TMTC2: variants seen among roughly 807,000 people sequenced by gnomAD.
The protein encoded by TMTC2 is transmembrane O-mannosyltransferase targeting cadherins 2.
In TMTC2, 43 loss-of-function variants were observed where a neutral mutation model predicts 82.4. That is an observed-to-expected ratio of 0.52 (90% CI 0.41 to 0.67). The LOEUF is 0.67. TMTC2 is among the 30% of genes least tolerant of loss of function. The pLI, the probability that TMTC2 is intolerant of heterozygous loss-of-function variation, is 0.00. For missense variants in TMTC2, 919 were observed against 1,012.4 expected (o/e 0.91, Z 1.25); for synonymous variants, 408 against 381.9 (o/e 1.07, Z -0.80).
intron 3 of TMTC2, among the ~76,000 whole-genome samples, chr12:82,917,892 C>A (rs186664067): frequency 6.7e-6 from 1 of 150,374 alleles, no homozygotes; most frequent in African/African-American, 2.5e-5. Context: ...TGAGCCACTG[C>A]TCCCGGCCAG....
At position 82,876,028 on chromosome 12, in the gene TMTC2, CGGTGGTGGTGGT is replaced by C. The variant is rs748180026; in HGVS notation, c.654+18477_654+18488del. On this transcript the variant is annotated intron_variant, in intron 2 of 11. Transcript: ENST00000321196. ...GTAATGGTAATGGTAGTAGTGGTGGCGGTGGTGGTGGTGGTGGTGGTGGTGGTGGTGGTGGTG... is the reference window on the plus strand; with the variant it reads ...GTAATGGTAATGGTAGTAGTGGTGGCGGTGGTGGTGGTGGTGGTGGTGGTG... Among the ~76,000 whole-genome samples the C allele has an allele frequency of 8.5e-3, 710 of 83,472 alleles. 11 individuals carry two copies. Among genetic ancestry groups the C allele is most frequent in the African/African-American group, 0.02 (376 of 19,266 alleles). The allele number at this position is 83,472 out of a possible 152,430, so 54.8% of individuals were successfully genotyped here.
intron 1 of TMTC2, among the ~76,000 whole-genome samples, chr12:82,736,037 C>T (rs1042086829): frequency 7.2e-5 from 11 of 151,744 alleles, no homozygotes; most frequent in African/African-American, 1.9e-4. Context: ...AATTTTGCTC[C>T]GGAGATGAAT....
intron 2 of TMTC2, among the ~76,000 whole-genome samples, chr12:82,860,406 G>A (rs1871483333): frequency 6.6e-6 from 1 of 152,200 alleles, no homozygotes; most frequent in Non-Finnish European, 1.5e-5. Flanking sequence ...ACACATCTCT[G>A]ACTATCTGGT....
In TMTC2 at chr12:82,708,756, A is replaced by C. The variant is rs948765009; in HGVS notation, c.83+21087A>C. The stretch of plus-strand genomic sequence containing the variant: ...TAGCTGCAAGCCTGTGTTTCCAAGC[A>C]GTTGTTTCCCAGCTGTCTGTTGCTT... On this transcript the variant is annotated intron_variant, in intron 1 of 11. Coordinates refer to ENST00000321196, the MANE Select transcript of TMTC2 (RefSeq NM_152588.3). 3.5e-4 allele frequency among the ~76,000 whole-genome samples: 53 copies of C among 152,146 alleles called. 1 individual carries two copies. The highest frequency in any genetic ancestry group is 2.4e-3 in the Admixed American group (37 of 15,286).
intron 4 of TMTC2, among the ~76,000 whole-genome samples, chr12:82,961,222 TTATTATTATTGTAAC>T (rs1877914036): frequency 7.0e-6 from 1 of 142,876 alleles, no homozygotes; most frequent in Non-Finnish European, 1.5e-5. Flanking sequence ...ATTATTATTA[TTATTATTATTGTAAC>T]TATTGTAACA....
In TMTC2 at chr12:82,757,640, T is replaced by G. The variant is rs554444664; in HGVS notation, c.83+69971T>G. ...TATTAATGAATTTTCAAATTGCTCC[T>G]TATTTGTATATTTCTCTCTGCTTAA... On this transcript the variant is annotated intron_variant, in intron 1 of 11. Coordinates refer to ENST00000321196, the MANE Select transcript of TMTC2 (RefSeq NM_152588.3). 4.6e-5 allele frequency among the ~76,000 whole-genome samples: 7 copies of G among 152,350 alleles called. No homozygotes were observed. The East Asian group carries it at 9.6e-4, about 21-fold the overall frequency.
At chr12:82,731,192 T>C (rs575936164) in intron 1 of TMTC2, among the ~76,000 whole-genome samples, 11 of 152,346 alleles carry the variant, frequency 7.2e-5, no homozygotes, top group Non-Finnish European at 1.3e-4. Context: ...AGCATACCAC[T>C]TGATAGTTGT....
chr12:82,732,768 CAATT>C (rs1166251590), intron 1 of TMTC2, among the ~76,000 whole-genome samples: 1 of 152,176 alleles, frequency 6.6e-6, no homozygotes, highest in East Asian at 1.9e-4. Flanking sequence ...GTAGGTCACA[CAATT>C]AAGTAATTTT....
At chr12:82,756,458 G>A (rs563395248) in intron 1 of TMTC2, among the ~76,000 whole-genome samples, 1 of 152,172 alleles carries the variant, frequency 6.6e-6, no homozygotes, top group Non-Finnish European at 1.5e-5. Context: ...CTGCGTGAGG[G>A]TTTTACCTTA....
chr12:83,122,615 C>T (rs1022104906), intron 11 of TMTC2, among the ~76,000 whole-genome samples: 80 of 152,246 alleles, frequency 5.3e-4, no homozygotes, highest in African/African-American at 1.8e-3. Context: ...GGTGTGTGTT[C>T]GGGGGCGGAT....
intron 1 of TMTC2, among the ~76,000 whole-genome samples, chr12:82,842,700 A>G (rs1870407148): frequency 6.6e-6 from 1 of 152,152 alleles, no homozygotes; most frequent in Non-Finnish European, 1.5e-5. Flanking sequence ...AATCAAGATC[A>G]TGGTGTCAGC....
chr12:82,691,897 A>G (rs1265448708), intron 1 of TMTC2, among the ~76,000 whole-genome samples: 1 of 152,124 alleles, frequency 6.6e-6, no homozygotes, highest in African/African-American at 2.4e-5. Context: ...GTATGGTCTT[A>G]CTCTTCAGTT....
intron 1 of TMTC2, among the ~76,000 whole-genome samples, chr12:82,697,096 A>C (rs1236003608): frequency 7.2e-5 from 11 of 151,764 alleles, no homozygotes; most frequent in Non-Finnish European, 1.6e-4. Flanking sequence ...CTGTAATCCC[A>C]GTACTTTGGG....
At chr12:82,930,282 A>T in intron 3 of TMTC2, 149 bp from the exon 4 acceptor site, 1 of 493,326 alleles carries the variant, frequency 2.0e-6, no homozygotes. Context: ...GGCCTGATGA[A>T]ATGTTAGAGT....
rs532501070 is a variant in TMTC2, at chr12:82,969,772, G to T, written c.1948+2775G>T. Among the ~76,000 whole-genome samples the T allele has an allele frequency of 5.3e-5, 8 of 152,104 alleles. No homozygotes were observed. The East Asian group carries it at 1.2e-3, about 22-fold the overall frequency. Reference sequence around the variant, plus strand: ...AAGTAGTTTTTTTAAATGTTTAAAAGCCTATTCTCATTTATCCTCTTCAAT... The same window carrying T: ...AAGTAGTTTTTTTAAATGTTTAAAATCCTATTCTCATTTATCCTCTTCAAT... On this transcript the variant is annotated intron_variant, in intron 7 of 11. Transcript: ENST00000321196.
At chr12:82,887,270 G>A (rs1873148474) in intron 2 of TMTC2, among the ~76,000 whole-genome samples, 1 of 152,178 alleles carries the variant, frequency 6.6e-6, no homozygotes, top group Admixed American at 6.5e-5. Flanking sequence ...CAGAAAATCT[G>A]AGATCAGAAG....
At chr12:82,725,138 TA>T (rs139018561) in intron 1 of TMTC2, among the ~76,000 whole-genome samples, 18 of 147,160 alleles carry the variant, frequency 1.2e-4, no homozygotes, top group East Asian at 3.9e-4. Flanking sequence ...TAAAAAGTCT[TA>T]AAAAAAAAAC....
At chr12:83,014,870 C>T (rs1007744337) in intron 8 of TMTC2, among the ~76,000 whole-genome samples, 3 of 152,180 alleles carry the variant, frequency 2.0e-5, no homozygotes, top group African/African-American at 7.2e-5. Flanking sequence ...TGAGCACTTA[C>T]TCTGTAACAT....
chr12:82,903,752 C>T (rs1592615211), intron 3 of TMTC2, among the ~76,000 whole-genome samples: 1 of 152,122 alleles, frequency 6.6e-6, no homozygotes, highest in African/African-American at 2.4e-5. Flanking sequence ...GATGCTGCAA[C>T]GAGGACTGTG....
Sources: gnomAD v4.1 joint callset for allele counts (sites outside exome capture counted in the v4.1 genomes callset) on GRCh38, gnomAD v4.1.1 for gene constraint, MANE v1.5 for transcripts, NCBI Gene and HGNC (gene_info 2026-07-23, HGNC 2026-07-21) for gene names.